Variants in EPHA3 observed in about 807,000 individuals in gnomAD.
EPHA3 encodes ephrin type-A receptor 3.
EPHA3 carries 42 observed loss-of-function variants against 107.1 expected under a neutral mutation model. That is an observed-to-expected ratio of 0.39 (90% CI 0.31 to 0.51). EPHA3 has a LOEUF of 0.51. Ranked by LOEUF, EPHA3 falls within the 20% of genes least tolerant of loss-of-function variation. EPHA3 has a pLI of 0.78. For missense variants in EPHA3, 1,183 were observed against 1,211.2 expected (o/e 0.98, Z 0.35); for synonymous variants, 461 against 424.8 (o/e 1.09, Z -1.05).
At chr3:89,172,912 G>T (rs1332447627) in intron 2 of EPHA3, among the ~76,000 whole-genome samples, 6 of 152,144 alleles carry the variant, frequency 3.9e-5, no homozygotes, top group African/African-American at 1.4e-4. Context: ...TGACCAGAGT[G>T]ACTTGATGTG....
chr3:89,168,772 A>G (rs1325114489), intron 2 of EPHA3, among the ~76,000 whole-genome samples: 1 of 152,108 alleles, frequency 6.6e-6, no homozygotes, highest in Non-Finnish European at 1.5e-5. Flanking sequence ...TATTGCTAGG[A>G]AACAAAACCT....
intron 11 of EPHA3, 96 bp downstream of exon 11, chr3:89,419,486 T>G (rs1359056406): frequency 2.7e-6 from 3 of 1,094,024 alleles, no homozygotes; most frequent in Admixed American, 2.8e-5. Context: ...CTTTTTTTCA[T>G]AAGTATCTCA....
At chr3:89,177,251 A>G (rs1159563113) in intron 2 of EPHA3, among the ~76,000 whole-genome samples, 1 of 152,184 alleles carries the variant, frequency 6.6e-6, no homozygotes, top group Non-Finnish European at 1.5e-5. Context: ...ACCTGCCAGC[A>G]ATTCTTTACA....
intron 3 of EPHA3, among the ~76,000 whole-genome samples, chr3:89,273,266 CA>C (rs1318520682): frequency 1.3e-5 from 2 of 151,878 alleles, no homozygotes; most frequent in Non-Finnish European, 2.9e-5. Context: ...AAAGGAGGTA[CA>C]AGTGACATAA....
intron 9 of EPHA3, among the ~76,000 whole-genome samples, chr3:89,412,925 G>C (rs1253629421): frequency 6.6e-6 from 1 of 151,524 alleles, no homozygotes; most frequent in Admixed American, 6.6e-5. Context: ...CCTCATTGTG[G>C]TTCCTTTATA....
chr3:89,162,962 T>C (rs1293253242), intron 2 of EPHA3, among the ~76,000 whole-genome samples: 2 of 152,196 alleles, frequency 1.3e-5, no homozygotes, highest in Non-Finnish European at 2.9e-5. Flanking sequence ...GGTGGCAAAT[T>C]GCAGTGTCAG....
chr3:89,416,396 C>A (rs1364294937), intron 10 of EPHA3, among the ~76,000 whole-genome samples: 1 of 151,346 alleles, frequency 6.6e-6, no homozygotes, highest in South Asian at 2.1e-4. Context: ...CCAGATGAAA[C>A]TATTGCAAAT....
chr3:89,388,097 G>T (rs1708658332), intron 5 of EPHA3, among the ~76,000 whole-genome samples: 1 of 152,106 alleles, frequency 6.6e-6, no homozygotes, highest in African/African-American at 2.4e-5. Context: ...TATAGAAATT[G>T]AATAACATAA....
chr3:89,347,770 T>C (rs1420266502), intron 5 of EPHA3, among the ~76,000 whole-genome samples: 1 of 150,658 alleles, frequency 6.6e-6, no homozygotes, highest in Non-Finnish European at 1.5e-5. Context: ...ATAGCTCTTA[T>C]CATTTTGAAA....
chr3:89,189,405 C>T (rs562041119), intron 2 of EPHA3, among the ~76,000 whole-genome samples: 19 of 151,946 alleles, frequency 1.3e-4, no homozygotes, highest in African/African-American at 3.4e-4. Context: ...CCATCCTGGA[C>T]AATAGGGTGA....
intron 3 of EPHA3, among the ~76,000 whole-genome samples, chr3:89,300,391 A>G (rs1706454280): frequency 6.6e-6 from 1 of 152,018 alleles, no homozygotes; most frequent in African/African-American, 2.4e-5. Context: ...TTATATACGT[A>G]AAGTTTGATA....
chr3:89,176,868 A>G (rs2107110185), intron 2 of EPHA3, among the ~76,000 whole-genome samples: 1 of 152,292 alleles, frequency 6.6e-6, no homozygotes, highest in East Asian at 1.9e-4. Flanking sequence ...TTTTATTTTA[A>G]TTTTATATGG....
intron 3 of EPHA3, among the ~76,000 whole-genome samples, chr3:89,220,517 G>A (rs1179442999): frequency 2.0e-5 from 3 of 152,098 alleles, no homozygotes; most frequent in Non-Finnish European, 4.4e-5. Context: ...GGTGACTGAC[G>A]TTCAGCGGGT....
chr3:89,197,973 C>T (rs1179996710), intron 2 of EPHA3, among the ~76,000 whole-genome samples: 2 of 151,604 alleles, frequency 1.3e-5, no homozygotes, highest in African/African-American at 2.4e-5. Context: ...AAGACCCTGT[C>T]TCAAAAAAAT....
intron 5 of EPHA3, among the ~76,000 whole-genome samples, chr3:89,391,426 T>C (rs201487666): frequency 2.6e-4 from 32 of 123,664 alleles, no homozygotes; most frequent in East Asian, 9.0e-4. Flanking sequence ...CTTTTCTTTT[T>C]TTTTTTTTTT....
chr3:89,329,210 G>A (rs1195516355), intron 3 of EPHA3, among the ~76,000 whole-genome samples: 1 of 151,852 alleles, frequency 6.6e-6, no homozygotes, highest in Non-Finnish European at 1.5e-5. Context: ...ACATACCCTC[G>A]GCGTGTCCAT....
At chr3:89,452,886 A>G (rs1186200770) in intron 15 of EPHA3, among the ~76,000 whole-genome samples, 2 of 152,116 alleles carry the variant, frequency 1.3e-5, no homozygotes, top group Non-Finnish European at 2.9e-5. Flanking sequence ...TTTTTACATA[A>G]TAGTTTAATA....
chr3:89,234,306 T>C (rs1158279890), intron 3 of EPHA3, among the ~76,000 whole-genome samples: 3 of 152,196 alleles, frequency 2.0e-5, no homozygotes, highest in Admixed American at 2.0e-4. Flanking sequence ...CCAAACATTC[T>C]GGTGTTACTC....
chr3:89,114,601 C>T (rs530177020), intron 1 of EPHA3, among the ~76,000 whole-genome samples: 1 of 152,320 alleles, frequency 6.6e-6, no homozygotes, highest in East Asian at 1.9e-4. Flanking sequence ...GTGCCACGGC[C>T]TCCGTCCCGA....
Sources: allele counts gnomAD v4.1 joint callset (sites outside exome capture counted in the v4.1 genomes callset), GRCh38; gene constraint gnomAD v4.1.1; transcripts MANE v1.5; gene names NCBI Gene and HGNC (gene_info 2026-07-23, HGNC 2026-07-21).